Variants in STK4 observed in about 807,000 individuals in gnomAD.
STK4 encodes the protein serine/threonine-protein kinase 4.
STK4 carries 30 observed loss-of-function variants against 64.9 expected under a neutral mutation model. The ratio of observed to expected loss-of-function variants is 0.46; its 90% CI spans 0.35 to 0.63. STK4 has a LOEUF of 0.63. Among genes scored for constraint, STK4 ranks in the 20% least tolerant of loss-of-function variants. The pLI, the probability that STK4 is intolerant of heterozygous loss-of-function variation, is 0.01. For missense variants in STK4, 466 were observed against 598.5 expected (o/e 0.78, Z 2.31); for synonymous variants, 177 against 199.0 (o/e 0.89, Z 0.93).
chr20:44,997,754 A>T (rs988396465), intron 7 of STK4, among the ~76,000 whole-genome samples: 1 of 152,244 alleles, frequency 6.6e-6, no homozygotes, highest in Non-Finnish European at 1.5e-5. Context: ...GTTTGAATCT[A>T]TTTGAGTAGA....
chr20:44,978,563 A>G lies in STK4; in HGVS notation c.237A>G (p.Gln79=), dbSNP rs745777587. The G allele has an allele frequency of 1.2e-6, 2 of 1,613,836 alleles. No homozygotes were observed. The highest frequency in any genetic ancestry group is 1.3e-5 in the African/African-American group (1 of 74,920). The part of the protein sequence containing the change: ...EIIKEISIMQ[Q]CDSPHVVKYY... ...TCAAAGAAATCTCTATAATGCAGCA[A>G]TGTGACAGGTAAAGGCATGTGGGCT... The change falls in exon 3 of 11, where the codon CAA becomes CAG. Residue 79 remains glutamine, a synonymous_variant. Transcript: ENST00000372806.
chr20:44,977,737 A>G (rs2067364480), intron 2 of STK4, among the ~76,000 whole-genome samples: 1 of 152,220 alleles, frequency 6.6e-6, no homozygotes, highest in Admixed American at 6.5e-5. Flanking sequence ...TTATTTTGAT[A>G]TTAAGCTGTT....
At chr20:45,055,003 A>G (rs1568759406) in intron 10 of STK4, among the ~76,000 whole-genome samples, 1 of 152,152 alleles carries the variant, frequency 6.6e-6, no homozygotes, top group Non-Finnish European at 1.5e-5. Context: ...TGATTTACCA[A>G]GAATAGCAAT....
intron 1 of STK4, among the ~76,000 whole-genome samples, chr20:44,969,415 A>G (rs1292267045): frequency 6.6e-6 from 1 of 152,254 alleles, no homozygotes; most frequent in Non-Finnish European, 1.5e-5. Flanking sequence ...GTGTTTGGAA[A>G]GATACAGGTG....
intron 9 of STK4, 82 bp from the exon 10 acceptor site, chr20:45,024,891 C>T: frequency 2.3e-6 from 3 of 1,302,660 alleles, no homozygotes; most frequent in Non-Finnish European, 3.0e-6. Context: ...AGATTGTAGC[C>T]CATCTGGAGA....
intron 10 of STK4, among the ~76,000 whole-genome samples, chr20:45,045,317 G>T (rs1393784310): frequency 1.3e-5 from 2 of 152,198 alleles, no homozygotes; most frequent in African/African-American, 4.8e-5. Flanking sequence ...AGGAACTGGA[G>T]CCCAGAGACA....
intron 1 of STK4, among the ~76,000 whole-genome samples, chr20:44,969,023 G>A (rs977213857): frequency 1.3e-5 from 2 of 152,120 alleles, no homozygotes; most frequent in African/African-American, 4.8e-5. Context: ...CCATCTCCCT[G>A]TGTCTCCATG....
intron 10 of STK4, among the ~76,000 whole-genome samples, chr20:45,025,488 G>A (rs926284805): frequency 6.6e-6 from 1 of 152,148 alleles, no homozygotes; most frequent in Non-Finnish European, 1.5e-5. Context: ...ACACTGTTTT[G>A]TGGTGTCCTT....
chr20:45,054,840 A>T lies in STK4; in HGVS notation c.1306-20178A>T, dbSNP rs376172348. ...TGCTTAAAAAATTCTGGCTTTTATTATTGCTATTGTTACTATTCCTGTAAT... is the reference window on the plus strand; with the variant it reads ...TGCTTAAAAAATTCTGGCTTTTATTTTTGCTATTGTTACTATTCCTGTAAT... On this transcript the variant is annotated intron_variant, in intron 10 of 10. Transcript: ENST00000372806. 2.6e-5 allele frequency among the ~76,000 whole-genome samples: 4 copies of T among 152,262 alleles called. No homozygotes were observed. In the South Asian group the frequency reaches 8.3e-4, roughly 32 times the overall value.
At chr20:44,984,186 GTTTTT>G (rs11397664) in intron 4 of STK4, among the ~76,000 whole-genome samples, 1 of 76,078 alleles carries the variant, frequency 1.3e-5, no homozygotes, top group African/African-American at 5.2e-5. Flanking sequence ...TGTTGTCGTT[GTTTTT>G]TTTTTTTTTT....
intron 9 of STK4, among the ~76,000 whole-genome samples, chr20:45,005,866 C>G (rs897640507): frequency 6.6e-6 from 1 of 151,698 alleles, no homozygotes; most frequent in Admixed American, 6.6e-5. Flanking sequence ...TAATTTTTTT[C>G]TCTTTTTTGA....
At position 44,997,374 on chromosome 20, in the gene STK4, G is replaced by A. The variant is rs962606165; in HGVS notation, c.831+68G>A. The A allele has an allele frequency of 6.6e-6, 10 of 1,526,296 alleles. No individual in the cohort carries two copies. The African/African-American group carries it at 1.4e-4, about 21-fold the overall frequency. The allele number at this position is 1,526,296 out of a possible 1,614,324, so 94.5% of individuals were successfully genotyped here. ...CTTGCTGACCAAAAGATGCCATGAGGTCACCTACGTGGAGATAGTAAAGAA... is the reference window on the plus strand; with the variant it reads ...CTTGCTGACCAAAAGATGCCATGAGATCACCTACGTGGAGATAGTAAAGAA... On this transcript the variant is annotated intron_variant, in intron 7 of 10. Transcript: ENST00000372806.
chr20:45,036,614 A>G (rs2068531885), intron 10 of STK4, among the ~76,000 whole-genome samples: 1 of 152,076 alleles, frequency 6.6e-6, no homozygotes, highest in African/African-American at 2.4e-5. Flanking sequence ...GGGGGGAAAA[A>G]CCATATGCTG....
rs560105980 is a variant in STK4 at position 45,060,155 on chromosome 20, GC to G, written c.1306-14862del. ...GATTGAGAGAGGAGTTGGAGCTTGT[GC>G]TGAGCTGGAAGGTTGAATGGGCAGC... On this transcript the variant is annotated intron_variant, in intron 10 of 10. Coordinates refer to ENST00000372806, the MANE Select transcript of STK4 (RefSeq NM_006282.5). 1.2e-4 allele frequency among the ~76,000 whole-genome samples: 18 copies of G among 152,286 alleles called. No homozygotes were observed. In the East Asian group the frequency reaches 3.5e-3, roughly 29 times the overall value.
At chr20:44,979,224 C>T (rs1426628508) in intron 3 of STK4, among the ~76,000 whole-genome samples, 1 of 151,954 alleles carries the variant, frequency 6.6e-6, no homozygotes. Context: ...AACATTTCTG[C>T]AGAGATAGCC....
intron 10 of STK4, among the ~76,000 whole-genome samples, chr20:45,059,158 C>T (rs1463167523): frequency 2.0e-5 from 3 of 152,196 alleles, no homozygotes; most frequent in Admixed American, 6.5e-5. Context: ...CTTAACCAAG[C>T]GCTTATCACA....
chr20:45,050,865 G>T (rs2068766439), intron 10 of STK4, among the ~76,000 whole-genome samples: 1 of 151,746 alleles, frequency 6.6e-6, no homozygotes, highest in Non-Finnish European at 1.5e-5. Context: ...CTTTGTTTTA[G>T]AATGTTTTAT....
At chr20:44,970,120 T>G (rs2067217609) in intron 1 of STK4, among the ~76,000 whole-genome samples, 1 of 152,024 alleles carries the variant, frequency 6.6e-6, no homozygotes, top group Non-Finnish European at 1.5e-5. Context: ...ATTCGAGCCG[T>G]CATATGCTAA....
rs751537744 is a variant in STK4 at position 45,079,344 on chromosome 20, A to G, written c.*4168A>G. 11 of 152,222 alleles carry G rather than the reference A, an allele frequency of 7.2e-5. No individual in the cohort carries two copies. Among genetic ancestry groups the G allele is most frequent in the South Asian group, 4.1e-4 (2 of 4,826 alleles). 9.4% of individuals were successfully genotyped at this position (152,222 alleles called of 1,614,324 possible). A position where few individuals can be genotyped will look rare whatever the true frequency, so the allele number is the denominator to read the frequency against. ...ATTGAGGCTCAGAGAAGTAAAGTCT[A>G]TTGCTCAAGGTCATGTGGCTAGAAT... On this transcript the variant is annotated 3_prime_UTR_variant, in exon 11 of 11. Transcript: ENST00000372806.
Sources: allele counts gnomAD v4.1 joint callset (sites outside exome capture counted in the v4.1 genomes callset), GRCh38; gene constraint gnomAD v4.1.1; transcripts MANE v1.5; gene names NCBI Gene and HGNC (gene_info 2026-07-23, HGNC 2026-07-21).